The following SLC35F3 variants were observed in gnomAD, a reference collection of about 807,000 sequenced individuals.
SLC35F3 encodes putative thiamine transporter SLC35F3.
SLC35F3 carries 25 observed loss-of-function variants against 49.9 expected under a neutral mutation model. The observed-to-expected ratio is 0.50, with a 90% CI of 0.37 to 0.70. The LOEUF is 0.70. Ranked by LOEUF, SLC35F3 falls within the 30% of genes least tolerant of loss-of-function variation. The probability of loss-of-function intolerance (pLI) is 0.00; values close to 1 mark genes in which losing one functional copy is unlikely to be tolerated. For missense variants in SLC35F3, 525 were observed against 639.8 expected (o/e 0.82, Z 1.94); for synonymous variants, 275 against 265.4 (o/e 1.04, Z -0.35).
intron 2 of SLC35F3, among the ~76,000 whole-genome samples, chr1:234,020,858 A>T (rs964724161): frequency 1.3e-5 from 2 of 152,204 alleles, no homozygotes; most frequent in African/African-American, 4.8e-5. Flanking sequence ...CACTGAACAA[A>T]GGCATTTCTC....
chr1:233,939,188 A>G (rs1406396832), intron 2 of SLC35F3, among the ~76,000 whole-genome samples: 3 of 152,176 alleles, frequency 2.0e-5, no homozygotes, highest in African/African-American at 7.2e-5. Context: ...GCAGTGGCTT[A>G]CTCCTGTAAT....
chr1:234,175,064 G>T (rs1025855085), intron 2 of SLC35F3, among the ~76,000 whole-genome samples: 2 of 152,200 alleles, frequency 1.3e-5, no homozygotes, highest in Non-Finnish European at 2.9e-5. Flanking sequence ...GATCTTCCGT[G>T]AATTTTAGAA....
intron 2 of SLC35F3, among the ~76,000 whole-genome samples, chr1:234,041,442 G>T (rs1353510043): frequency 6.6e-6 from 1 of 151,828 alleles, no homozygotes; most frequent in Non-Finnish European, 1.5e-5. Context: ...CCATTGACCA[G>T]AATCCAGTCA....
chr1:234,035,372 G>A (rs1664126123), intron 2 of SLC35F3, among the ~76,000 whole-genome samples: 1 of 151,922 alleles, frequency 6.6e-6, no homozygotes, highest in Non-Finnish European at 1.5e-5. Context: ...GTTAATTCCT[G>A]ACCTTTGAAT....
intron 3 of SLC35F3, among the ~76,000 whole-genome samples, chr1:234,259,696 A>G (rs767056401): frequency 2.6e-5 from 4 of 151,502 alleles, no homozygotes; most frequent in Non-Finnish European, 5.9e-5. Context: ...TGATAATAAT[A>G]ATAATAATAA....
At chr1:234,145,115 G>A (rs991242750) in intron 2 of SLC35F3, among the ~76,000 whole-genome samples, 1 of 152,162 alleles carries the variant, frequency 6.6e-6, no homozygotes, top group Non-Finnish European at 1.5e-5. Flanking sequence ...CAGCCCTGAG[G>A]GTTTTCACTG....
chr1:234,009,691 T>G (rs1279794948), intron 2 of SLC35F3, among the ~76,000 whole-genome samples: 1 of 152,268 alleles, frequency 6.6e-6, no homozygotes, highest in Admixed American at 6.5e-5. Flanking sequence ...TGTTACTCTG[T>G]GAGATTTGTG....
At chr1:233,979,192 C>A (rs1175110779) in intron 2 of SLC35F3, among the ~76,000 whole-genome samples, 1 of 152,178 alleles carries the variant, frequency 6.6e-6, no homozygotes, top group African/African-American at 2.4e-5. Flanking sequence ...TTACACTGCT[C>A]CTTTCTGTGC....
intron 3 of SLC35F3, among the ~76,000 whole-genome samples, chr1:234,232,535 AAAAAAG>A (rs1553317271): frequency 8.3e-5 from 12 of 144,742 alleles, no homozygotes; most frequent in South Asian, 4.3e-4. Flanking sequence ...AAAAAAAAAA[AAAAAAG>A]AAAAAGAAAA....
At chr1:234,285,330 TACA>T in intron 3 of SLC35F3, 2 of 483,332 alleles carry the variant, frequency 4.1e-6, no homozygotes, top group South Asian at 3.0e-5. Flanking sequence ...GGGTGGAAAA[TACA>T]TCCGCAGGGT....
chr1:234,115,490 TCTC>T (rs1180444063), intron 2 of SLC35F3, among the ~76,000 whole-genome samples: 4 of 152,148 alleles, frequency 2.6e-5, no homozygotes, highest in Non-Finnish European at 4.4e-5. Context: ...TTTGGCCTCT[TCTC>T]TGGGCTTAGG....
At chr1:234,133,467 C>T (rs547741638) in intron 2 of SLC35F3, among the ~76,000 whole-genome samples, 2 of 152,230 alleles carry the variant, frequency 1.3e-5, no homozygotes, top group East Asian at 3.9e-4. Context: ...CCTGCAGGGT[C>T]CCCAGCAGCT....
chr1:234,013,929 T>G (rs1663763886), intron 2 of SLC35F3, among the ~76,000 whole-genome samples: 2 of 151,988 alleles, frequency 1.3e-5, no homozygotes, highest in African/African-American at 4.8e-5. Flanking sequence ...TACCAATCTT[T>G]CTTAAACCTT....
At chr1:233,908,769 C>G (rs1174596932) in intron 2 of SLC35F3, among the ~76,000 whole-genome samples, 1 of 148,652 alleles carries the variant, frequency 6.7e-6, no homozygotes, top group Admixed American at 6.7e-5. Context: ...CTCCTGATCT[C>G]ATGATCTGCC....
At chr1:234,143,185 A>G (rs907913250) in intron 2 of SLC35F3, among the ~76,000 whole-genome samples, 1 of 151,742 alleles carries the variant, frequency 6.6e-6, no homozygotes, top group Non-Finnish European at 1.5e-5. Flanking sequence ...CCTTTAAGCT[A>G]CGTCCCTACT....
intron 2 of SLC35F3, among the ~76,000 whole-genome samples, chr1:233,995,366 T>G (rs2102829286): frequency 6.6e-6 from 1 of 152,228 alleles, no homozygotes; most frequent in East Asian, 1.9e-4. Flanking sequence ...TCAGGCATGA[T>G]TGCAAGCTGT....
At chr1:234,228,353 C>T (rs547475466) in intron 2 of SLC35F3, among the ~76,000 whole-genome samples, 2 of 152,368 alleles carry the variant, frequency 1.3e-5, no homozygotes, top group African/African-American at 4.8e-5. Context: ...TGGCCACGCT[C>T]TCTGCAGAAT....
chr1:234,308,912 A>G (rs965430113), intron 3 of SLC35F3, among the ~76,000 whole-genome samples, 189 bp from the exon 4 acceptor site: 1 of 152,126 alleles, frequency 6.6e-6, no homozygotes, highest in African/African-American at 2.4e-5. Flanking sequence ...TCACTGTGCA[A>G]CATTTGTTTC....
intron 3 of SLC35F3, among the ~76,000 whole-genome samples, chr1:234,246,260 A>G (rs1375772849): frequency 6.6e-6 from 1 of 152,058 alleles, no homozygotes; most frequent in Non-Finnish European, 1.5e-5. Context: ...CACTTTCTCT[A>G]ACCTGACCCC....
Sources: gnomAD v4.1 joint callset for allele counts (sites outside exome capture counted in the v4.1 genomes callset) on GRCh38, gnomAD v4.1.1 for gene constraint, MANE v1.5 for transcripts, NCBI Gene and HGNC (gene_info 2026-07-23, HGNC 2026-07-21) for gene names.